Variants in FAM117A observed in about 807,000 individuals in gnomAD.
FAM117A encodes the protein family with sequence similarity 117 member A, also known as protein FAM117A.
FAM117A carries 21 observed loss-of-function variants against 44.1 expected under a neutral mutation model. The observed-to-expected ratio is 0.48, with a 90% CI of 0.34 to 0.69. The LOEUF (loss-of-function observed/expected upper bound fraction) is 0.69, where lower values mean the gene tolerates loss of function less well. FAM117A is among the 30% of genes least tolerant of loss of function. The probability of loss-of-function intolerance (pLI) is 0.01; values close to 1 mark genes in which losing one functional copy is unlikely to be tolerated. For missense variants in FAM117A, 498 were observed against 589.9 expected, an observed-to-expected ratio of 0.84 and a Z score of 1.61; for synonymous variants, 220 against 238.3, an observed-to-expected ratio of 0.92 and a Z score of 0.71.
At chr17:49,744,157 T>C (rs2073645327) in intron 1 of FAM117A, among the ~76,000 whole-genome samples, 2 of 152,204 alleles carry the variant, frequency 1.3e-5, no homozygotes, top group South Asian at 2.1e-4. Flanking sequence ...TCGGTATCCA[T>C]GGGGGATTGG....
intron 1 of FAM117A, among the ~76,000 whole-genome samples, chr17:49,745,718 GT>G (rs2073652181): frequency 6.6e-6 from 1 of 152,184 alleles, no homozygotes; most frequent in African/African-American, 2.4e-5. Context: ...AAAATCCAGT[GT>G]GGGACAACCA....
chr17:49,774,817 G>C (rs1218977990), intron 1 of FAM117A, among the ~76,000 whole-genome samples: 1 of 152,140 alleles, frequency 6.6e-6, no homozygotes, highest in African/African-American at 2.4e-5. Context: ...AGTGGGAAAG[G>C]CTCCAGATTT....
chr17:49,749,160 C>T (rs978443919), intron 1 of FAM117A, among the ~76,000 whole-genome samples: 4 of 152,256 alleles, frequency 2.6e-5, no homozygotes, highest in South Asian at 2.1e-4. Context: ...CTGGCCTAGG[C>T]GTATACCTGG....
intron 1 of FAM117A, among the ~76,000 whole-genome samples, chr17:49,786,071 C>T (rs986030625): frequency 6.6e-6 from 1 of 152,144 alleles, no homozygotes; most frequent in African/African-American, 2.4e-5. Context: ...TAAGATCCTC[C>T]CCTTCCCCAT....
intron 1 of FAM117A, among the ~76,000 whole-genome samples, chr17:49,761,472 ACTTT>A (rs1240029011): frequency 6.6e-6 from 1 of 152,228 alleles, no homozygotes; most frequent in Non-Finnish European, 1.5e-5. Context: ...CGTTTTAAGC[ACTTT>A]CTATCTATTA....
chr17:49,721,287 C>G (rs1191369690), intron 3 of FAM117A, among the ~76,000 whole-genome samples: 1 of 152,172 alleles, frequency 6.6e-6, no homozygotes, highest in Non-Finnish European at 1.5e-5. Context: ...TTGCCCTCAA[C>G]TGGAAAATGC....
chr17:49,733,279 A>G (rs1381512839), intron 1 of FAM117A, among the ~76,000 whole-genome samples: 1 of 152,206 alleles, frequency 6.6e-6, no homozygotes, highest in Non-Finnish European at 1.5e-5. Context: ...ACTACTTTCA[A>G]TTATCGAGGA....
At position 49,782,238 on chromosome 17, in the gene FAM117A, G is replaced by A. The variant is rs1000423927; in HGVS notation, c.-621+6259C>T. 3.3e-5 allele frequency among the ~76,000 whole-genome samples: 5 copies of A among 151,830 alleles called. No individual in the cohort carries two copies. In the East Asian group the frequency reaches 7.8e-4, roughly 24 times the overall value. ...AAAATACAAAAAAAAATTAGCCAGTGTGGTGGTGGGCGCCTGTAGTCCCAG... is the reference window on the plus strand; with the variant it reads ...AAAATACAAAAAAAAATTAGCCAGTATGGTGGTGGGCGCCTGTAGTCCCAG... On this transcript the variant is annotated intron_variant, in intron 1 of 7. Transcript: ENST00000513602.
In FAM117A at chr17:49,744,751, C is replaced by T. The variant is rs540876073; in HGVS notation, c.197-12031G>A. ...ACAAGAAACCAGGCATGGTGGCTCACACCTGTCATCCCAGCACTTTGGGAG... is the reference window on the plus strand; with the variant it reads ...ACAAGAAACCAGGCATGGTGGCTCATACCTGTCATCCCAGCACTTTGGGAG... On this transcript the variant is annotated intron_variant, in intron 1 of 7. Transcript: ENST00000240364. Among the ~76,000 whole-genome samples, 14 of 151,860 alleles carry T rather than the reference C, an allele frequency of 9.2e-5. 1 individual carries two copies. Among genetic ancestry groups the T allele is most frequent in the African/African-American group, 2.9e-4 (12 of 41,420 alleles).
At chr17:49,754,215 C>T (rs1241649659) in intron 1 of FAM117A, among the ~76,000 whole-genome samples, 2 of 152,116 alleles carry the variant, frequency 1.3e-5, no homozygotes, top group Non-Finnish European at 2.9e-5. Flanking sequence ...TTTCCACCAG[C>T]CTGCAGCTGT....
intron 1 of FAM117A, among the ~76,000 whole-genome samples, chr17:49,772,917 A>T (rs1186073313): frequency 6.6e-6 from 1 of 152,246 alleles, no homozygotes; most frequent in African/African-American, 2.4e-5. Context: ...CATGCCTGTC[A>T]TCCCAGCACT....
intron 1 of FAM117A, among the ~76,000 whole-genome samples, chr17:49,762,890 G>A (rs2073727623): frequency 6.6e-6 from 1 of 152,124 alleles, no homozygotes; most frequent in African/African-American, 2.4e-5. Context: ...ATCAAAGCAA[G>A]GTTAAGTTTG....
chr17:49,724,601 G>A (rs2073550856), intron 2 of FAM117A: 2 of 413,390 alleles, frequency 4.8e-6, no homozygotes, highest in Middle Eastern at 5.5e-4. Flanking sequence ...GGGAGACTGA[G>A]GCGGGTGGAT....
chr17:49,723,021 T>C (rs2073542595), intron 2 of FAM117A, among the ~76,000 whole-genome samples: 1 of 152,094 alleles, frequency 6.6e-6, no homozygotes, highest in Admixed American at 6.5e-5. Flanking sequence ...CCTGGGAGCC[T>C]AATAAAAACA....
At chr17:49,755,064 AT>A (rs1299050091) in intron 1 of FAM117A, among the ~76,000 whole-genome samples, 1 of 149,310 alleles carries the variant, frequency 6.7e-6, no homozygotes, top group African/African-American at 2.5e-5. Context: ...AAAAAAAGCC[AT>A]TTTCACTAAG....
chr17:49,720,350 G>T lies in FAM117A; in HGVS notation c.549C>A (p.Asp183Glu), dbSNP rs774907028. ...EKERGSPLLG[D>E]HAVRGALRAS... Reference sequence around the variant, plus strand: ...CCCTCAGTGCTCCCCGCACTGCGTGGTCCCCTAGGAGTGGTGAACCTCGCT... The same window carrying T: ...CCCTCAGTGCTCCCCGCACTGCGTGTTCCCCTAGGAGTGGTGAACCTCGCT... Residue 183 changes from aspartate (D) to glutamate (E), a missense_variant, in exon 4 of 8, where the codon GAC (aspartate) becomes GAA (glutamate). Coordinates refer to ENST00000240364, the MANE Select transcript of FAM117A (RefSeq NM_030802.4). 6.2e-7 allele frequency: 1 copy of T among 1,613,792 alleles called. No individual in the cohort carries two copies. Among genetic ancestry groups the T allele is most frequent in the Admixed American group, 1.7e-5 (1 of 60,024 alleles).
intron 1 of FAM117A, among the ~76,000 whole-genome samples, chr17:49,748,287 C>T (rs532307838): frequency 6.6e-6 from 1 of 152,326 alleles, no homozygotes; most frequent in East Asian, 1.9e-4. Context: ...CCTCCAAGAA[C>T]TAGAAGGTCC....
upstream of FAM117A, among the ~76,000 whole-genome samples, chr17:49,765,020 G>C (rs1285517692): frequency 6.6e-6 from 1 of 152,156 alleles, no homozygotes; most frequent in African/African-American, 2.4e-5. Context: ...GGTCTTCCAA[G>C]ATCAATGCTC....
intron 4 of FAM117A, 79 bp from the exon 5 acceptor site, chr17:49,719,973 G>A (rs1262801089): frequency 1.6e-5 from 25 of 1,525,206 alleles, no homozygotes; most frequent in Non-Finnish European, 2.2e-5. Flanking sequence ...AGGGGTAATG[G>A]TCATGTCCAC....
Sources: gnomAD v4.1 joint callset for allele counts (sites outside exome capture counted in the v4.1 genomes callset) on GRCh38, gnomAD v4.1.1 for gene constraint, MANE v1.5 for transcripts, NCBI Gene and HGNC (gene_info 2026-07-23, HGNC 2026-07-21) for gene names.